UBXN2A: variants seen among roughly 807,000 people sequenced by gnomAD.
The protein encoded by UBXN2A is UBX domain-containing protein 2A.
In UBXN2A, 28 loss-of-function variants were observed where a neutral mutation model predicts 28.4. The ratio of observed to expected loss-of-function variants is 0.99; its 90% CI spans 0.73 to 1.35. UBXN2A has a LOEUF of 1.35. Ranked by LOEUF, UBXN2A falls within the 40% of genes most tolerant of loss-of-function variation. The pLI is 0.00. For synonymous variants in UBXN2A, 97 were observed against 103.6 expected (o/e 0.94, Z 0.39); for missense variants, 253 against 297.9 (o/e 0.85, Z 1.11).
chr2:23,954,749 T>C (rs1192780338), intron 1 of UBXN2A, among the ~76,000 whole-genome samples: 1 of 151,688 alleles, frequency 6.6e-6, no homozygotes. Context: ...TGCCCATTTT[T>C]GCATATCTTT....
chr2:23,934,665 TACTC>T (rs1705472895), intron 1 of UBXN2A, among the ~76,000 whole-genome samples: 1 of 152,184 alleles, frequency 6.6e-6, no homozygotes, highest in African/African-American at 2.4e-5. Flanking sequence ...ATAAACAAAT[TACTC>T]AGTCTGTACA....
intron 4 of UBXN2A, among the ~76,000 whole-genome samples, chr2:23,978,627 G>C (rs1331288572): frequency 6.6e-5 from 10 of 150,674 alleles, no homozygotes; most frequent in African/African-American, 9.8e-5. Flanking sequence ...CTGGGCAACA[G>C]AGCAAGACTC....
At chr2:23,991,676 T>A (rs1467015752) in intron 6 of UBXN2A, among the ~76,000 whole-genome samples, 1 of 152,148 alleles carries the variant, frequency 6.6e-6, no homozygotes, top group African/African-American at 2.4e-5. Flanking sequence ...TTTGCCATGT[T>A]GGCCAGTCTG....
intron 1 of UBXN2A, among the ~76,000 whole-genome samples, chr2:23,946,687 C>G (rs1334327658): frequency 6.6e-6 from 1 of 151,946 alleles, no homozygotes; most frequent in African/African-American, 2.4e-5. Flanking sequence ...AACTTCTGAC[C>G]TCAAGTGGTC....
intron 1 of UBXN2A, among the ~76,000 whole-genome samples, chr2:23,942,005 G>A (rs549534150): frequency 2.0e-5 from 3 of 152,240 alleles, no homozygotes; most frequent in East Asian, 1.9e-4. Flanking sequence ...TTGAGCCGGC[G>A]AGAGGTAGAG....
chr2:23,933,761 G>C (rs148459342), intron 1 of UBXN2A, among the ~76,000 whole-genome samples: 1 of 151,906 alleles, frequency 6.6e-6, no homozygotes, highest in South Asian at 2.1e-4. Flanking sequence ...AAACAAAACT[G>C]TACCTCCAAT....
chr2:23,968,002 T>C (rs1707245469), intron 2 of UBXN2A, among the ~76,000 whole-genome samples: 1 of 151,970 alleles, frequency 6.6e-6, no homozygotes, highest in African/African-American at 2.4e-5. Flanking sequence ...CACGGCATTC[T>C]AGTGGGCTCA....
intron 1 of UBXN2A, among the ~76,000 whole-genome samples, chr2:23,950,777 C>G (rs561204614): frequency 6.4e-4 from 97 of 152,134 alleles, no homozygotes; most frequent in Non-Finnish European, 1.2e-3. Context: ...GATCTTGGCT[C>G]ACTGCAACCT....
intron 3 of UBXN2A, among the ~76,000 whole-genome samples, chr2:23,972,405 C>A (rs1707457278): frequency 6.6e-6 from 1 of 152,178 alleles, no homozygotes; most frequent in African/African-American, 2.4e-5. Context: ...AAATTCAAAA[C>A]CCTCTGGTCG....
At position 23,999,768 on chromosome 2, in the gene UBXN2A, AG is replaced by A. The variant is rs1708671754; in HGVS notation, c.682del (p.Asp228MetfsTer35). ...ATALPVLRLL[D>X]ETLTLEEADL... ...CAGCTCTTCCTGTCCTCAGGTTGCTAGATGAGACACTCACACTGGAAGAAGC... is the reference window on the plus strand; with the variant it reads ...CAGCTCTTCCTGTCCTCAGGTTGCTAATGAGACACTCACACTGGAAGAAGC... On this transcript the variant is annotated frameshift_variant, in exon 7 of 7. Coordinates refer to ENST00000309033, the MANE Select transcript of UBXN2A (RefSeq NM_181713.4). LOFTEE classifies it high-confidence loss of function. 7 of 1,614,086 alleles carry A rather than the reference AG, an allele frequency of 4.3e-6. No homozygotes were observed. The highest frequency in any genetic ancestry group is 5.9e-6 in the Non-Finnish European group (7 of 1,180,046).
chr2:23,970,222 T>C (rs1707355222), intron 2 of UBXN2A, among the ~76,000 whole-genome samples: 1 of 152,158 alleles, frequency 6.6e-6, no homozygotes, highest in African/African-American at 2.4e-5. Context: ...AGGTTGAGAC[T>C]GTAGTGAGCT....
intron 1 of UBXN2A, among the ~76,000 whole-genome samples, chr2:23,929,517 G>A (rs1705308413): frequency 6.6e-6 from 1 of 151,154 alleles, no homozygotes; most frequent in Non-Finnish European, 1.5e-5. Flanking sequence ...TTCGAGACCA[G>A]CCTGACCAAC....
intron 1 of UBXN2A, among the ~76,000 whole-genome samples, chr2:23,946,231 G>C (rs765329754): frequency 6.6e-6 from 1 of 151,982 alleles, no homozygotes; most frequent in African/African-American, 2.4e-5. Context: ...TCAGTTCACT[G>C]CAACCTTTGC....
intron 2 of UBXN2A, among the ~76,000 whole-genome samples, chr2:23,960,858 C>G (rs1706871645): frequency 6.6e-6 from 1 of 152,152 alleles, no homozygotes; most frequent in African/African-American, 2.4e-5. Context: ...TGGTCTCAAA[C>G]TCCTAACCTC....
At chr2:23,972,549 C>T (rs1171940677) in intron 3 of UBXN2A, among the ~76,000 whole-genome samples, 1 of 152,118 alleles carries the variant, frequency 6.6e-6, no homozygotes, top group African/African-American at 2.4e-5. Context: ...CTTGACCGGG[C>T]GCGGTGGCTC....
intron 1 of UBXN2A, among the ~76,000 whole-genome samples, chr2:23,955,464 A>G (rs369185708): frequency 6.6e-6 from 1 of 152,158 alleles, no homozygotes; most frequent in African/African-American, 2.4e-5. Flanking sequence ...CTCTCTTTCA[A>G]TAAGGAGTTT....
intron 6 of UBXN2A, chr2:23,997,034 A>G (rs574383674): frequency 6.6e-6 from 1 of 151,892 alleles, no homozygotes; most frequent in African/African-American, 2.4e-5. Context: ...GAATCCTCCC[A>G]CCTCAGCTTC....
At position 24,001,190 on chromosome 2, in the gene UBXN2A, A is replaced by G. The variant is rs537751165; in HGVS notation, c.*1323A>G. The G allele has an allele frequency of 6.6e-6, 1 of 152,290 alleles. No individual in the cohort carries two copies. The highest frequency in any genetic ancestry group is 2.4e-5 in the African/African-American group (1 of 41,548). The allele number at this position is 152,290 out of a possible 1,614,324, so 9.4% of individuals were successfully genotyped here. ...TTTTTAGTAGACACGGGATTTCACC[A>G]TGTTGGTCAGGCTGGTCTCGAACTC... On this transcript the variant is annotated 3_prime_UTR_variant, in exon 7 of 7. Transcript: ENST00000309033.
At chr2:23,995,002 T>C (rs1050983588) in intron 6 of UBXN2A, among the ~76,000 whole-genome samples, 7 of 152,240 alleles carry the variant, frequency 4.6e-5, no homozygotes, top group African/African-American at 1.7e-4. Flanking sequence ...CTAGAGTCTG[T>C]GTGCCCAGCA....
Sources: allele counts gnomAD v4.1 joint callset (sites outside exome capture counted in the v4.1 genomes callset), GRCh38; gene constraint gnomAD v4.1.1; transcripts MANE v1.5; gene names NCBI Gene and HGNC (gene_info 2026-07-23, HGNC 2026-07-21).